Variants in CHD7 observed in about 807,000 individuals in gnomAD.
CHD7 encodes chromodomain helicase DNA binding protein 7.
A neutral mutation model predicts 307.3 loss-of-function variants in CHD7; 24 were observed. That is an observed-to-expected ratio of 0.08 (90% CI 0.06 to 0.11). CHD7 has a LOEUF of 0.11. CHD7 is among the 10% of genes least tolerant of loss of function. The pLI is 1.00. For synonymous variants in CHD7, 1,363 were observed against 1,349.9 expected (o/e 1.01, Z -0.21); for missense variants, 3,106 against 3,727.1 (o/e 0.83, Z 4.34).
chr8:60,826,843 G>A (rs1804274126), intron 13 of CHD7, among the ~76,000 whole-genome samples: 1 of 152,192 alleles, frequency 6.6e-6, no homozygotes, highest in Non-Finnish European at 1.5e-5. Context: ...ACACAAAAGA[G>A]TCTGCTTAAA....
chr8:60,698,205 T>C (rs536605458), intron 1 of CHD7, among the ~76,000 whole-genome samples: 35 of 152,282 alleles, frequency 2.3e-4, no homozygotes, highest in African/African-American at 8.4e-4. Context: ...AAATGAATGG[T>C]TCCTGTTTGT....
At chr8:60,829,751 A>C (rs1355750921) in intron 14 of CHD7, among the ~76,000 whole-genome samples, 1 of 152,194 alleles carries the variant, frequency 6.6e-6, no homozygotes. Context: ...CCACTGACTT[A>C]CTGTCTAAAA....
At chr8:60,787,808 G>A (rs985961066) in intron 3 of CHD7, among the ~76,000 whole-genome samples, 23 of 150,636 alleles carry the variant, frequency 1.5e-4, no homozygotes, top group African/African-American at 4.1e-4. Context: ...CATAAAACTC[G>A]GTAACTTGTA....
At chr8:60,820,608 A>T (rs1803980896) in intron 9 of CHD7, among the ~76,000 whole-genome samples, 1 of 152,218 alleles carries the variant, frequency 6.6e-6, no homozygotes, top group Non-Finnish European at 1.5e-5. Context: ...GGGATATTTG[A>T]TAGGGAAGTA....
chr8:60,774,343 T>C (rs1479058891), intron 2 of CHD7, among the ~76,000 whole-genome samples: 1 of 152,242 alleles, frequency 6.6e-6, no homozygotes, highest in Non-Finnish European at 1.5e-5. Context: ...TTACAGGAAC[T>C]GAAGATGAGG....
chr8:60,848,575 G>A lies in CHD7; in HGVS notation c.5271G>A (p.Ala1757=), dbSNP rs775003129. The part of the protein sequence containing the change: ...YLRQEVIGDQ[A]DKILEGADSS... ...GACAAGAAGTGATAGGAGACCAGGC[G>A]GATAAGATCTTAGAGGGTGCTGACT... The change falls in exon 24 of 38, where the codon GCG becomes GCA. Residue 1757 remains alanine (A), a synonymous_variant. Coordinates refer to ENST00000423902, the MANE Select transcript of CHD7 (RefSeq NM_017780.4). 97 of 1,613,398 alleles carry A rather than the reference G, an allele frequency of 6.0e-5. No individual in the cohort carries two copies. The highest frequency in any genetic ancestry group is 9.3e-5 in the African/African-American group (7 of 74,904).
intron 23 of CHD7, among the ~76,000 whole-genome samples, chr8:60,847,641 G>A (rs1805272367): frequency 6.6e-6 from 1 of 152,200 alleles, no homozygotes; most frequent in Non-Finnish European, 1.5e-5. Flanking sequence ...TCCAGCAGGG[G>A]ATGCTAGCTT....
intron 16 of CHD7, among the ~76,000 whole-genome samples, 154 bp from the exon 17 acceptor site, chr8:60,836,663 G>A (rs898680326): frequency 3.9e-5 from 6 of 152,062 alleles, no homozygotes; most frequent in Admixed American, 6.5e-5. Context: ...TATAAAAAAC[G>A]CCAATAAACC....
rs188198567 is a variant in CHD7, at chr8:60,769,507, T to C, written c.1666-11493T>C. Among the ~76,000 whole-genome samples the C allele has an allele frequency of 5.3e-5, 8 of 152,264 alleles. 1 individual carries two copies. In the East Asian group the frequency reaches 1.5e-3, roughly 29 times the overall value. ...CCCTTATAGTTAGCTAATCAACCAT[T>C]TGAGTTTAAAGTTAGTTAGGTTTTA... On this transcript the variant is annotated intron_variant, in intron 2 of 37. Coordinates refer to ENST00000423902, the MANE Select transcript of CHD7 (RefSeq NM_017780.4).
intron 23 of CHD7, among the ~76,000 whole-genome samples, chr8:60,846,732 T>C (rs1805224678): frequency 6.6e-6 from 1 of 152,258 alleles, no homozygotes; most frequent in Non-Finnish European, 1.5e-5. Flanking sequence ...GTATGGATTA[T>C]CTGTTTGAAT....
At chr8:60,768,932 C>A (rs1275677856) in intron 2 of CHD7, among the ~76,000 whole-genome samples, 2 of 152,002 alleles carry the variant, frequency 1.3e-5, no homozygotes, top group African/African-American at 4.8e-5. Flanking sequence ...TATTCATCAC[C>A]CCAAATTGTA....
At chr8:60,808,410 A>G in intron 7 of CHD7, 138 bp downstream of exon 7, 1 of 629,588 alleles carries the variant, frequency 1.6e-6, no homozygotes, top group Non-Finnish European at 2.8e-6. Context: ...GCCATTTTTT[A>G]ACCAACTTTT....
chr8:60,865,143 T>C lies in CHD7; in HGVS notation c.8204T>C (p.Val2735Ala). 1 of 1,612,092 alleles carries C rather than the reference T, an allele frequency of 6.2e-7. No individual in the cohort carries two copies. The highest frequency in any genetic ancestry group is 1.1e-5 in the South Asian group (1 of 90,612). ...IARAAAAAAA[V>A]ASTSGINPLL... ...AGAGCAGCCGCGGCCGCCGCTGCTGTGGCCTCCACGTCAGGGATCAACCCT... is the reference window on the plus strand; with the variant it reads ...AGAGCAGCCGCGGCCGCCGCTGCTGCGGCCTCCACGTCAGGGATCAACCCT... Residue 2735 changes from valine (V) to alanine (A), a missense_variant, in exon 38 of 38, where the codon GTG (valine) becomes GCG (alanine). By Grantham distance (64) the Val-to-Ala change is moderately conservative (BLOSUM62 0). Transcript: ENST00000423902. The surrounding 1 kb of genome is among the most constrained non-coding windows in gnomAD (Gnocchi z 4.3).
intron 1 of CHD7, among the ~76,000 whole-genome samples, chr8:60,740,120 C>A (rs1346679005): frequency 6.6e-6 from 1 of 152,158 alleles, no homozygotes; most frequent in Admixed American, 6.5e-5. Flanking sequence ...TAATCTGACA[C>A]AGGATCTGTT....
chr8:60,740,019 T>A (rs906312774), intron 1 of CHD7, among the ~76,000 whole-genome samples: 7 of 152,380 alleles, frequency 4.6e-5, no homozygotes, highest in African/African-American at 1.7e-4. Flanking sequence ...TCTATATGAA[T>A]TAGGTCTTTA....
chr8:60,857,905 C>A (rs770692623), intron 34 of CHD7, among the ~76,000 whole-genome samples: 15 of 152,178 alleles, frequency 9.9e-5, no homozygotes, highest in East Asian at 1.9e-4. Context: ...ACTGAAATTT[C>A]TTTGCCCTCT....
In CHD7 at chr8:60,742,111, A is replaced by G. The variant is rs754950510; in HGVS notation, c.679A>G (p.Ile227Val). Residue 227 changes from isoleucine (I) to valine (V), a missense_variant, in exon 2 of 38, where the codon ATT (isoleucine) becomes GTT (valine). Ile to Val is a conservative substitution (Grantham distance 29). Transcript: ENST00000423902. ...GGGCCTCAATCAGGGAAATCCTTTT[A>G]TTGCCACCTCAGGACCTGGCCACTT... Reference protein sequence around the residue: ...QEGLNQGNPFIATSGPGHLSH... With the variant: ...QEGLNQGNPFVATSGPGHLSH... 1 of 1,613,834 alleles carries G rather than the reference A, an allele frequency of 6.2e-7. No homozygotes were observed. Among genetic ancestry groups the G allele is most frequent in the Admixed American group, 1.7e-5 (1 of 60,020 alleles).
chr8:60,703,972 C>T (rs561176823), intron 1 of CHD7, among the ~76,000 whole-genome samples: 35 of 152,224 alleles, frequency 2.3e-4, no homozygotes, highest in African/African-American at 8.4e-4. Flanking sequence ...TCATCCAGTT[C>T]TTTTGTTCCT....
intron 3 of CHD7, among the ~76,000 whole-genome samples, chr8:60,792,835 C>T (rs1811840266): frequency 6.6e-6 from 1 of 152,196 alleles, no homozygotes; most frequent in African/African-American, 2.4e-5. Flanking sequence ...ACTCACTTTA[C>T]CTGGCAGTGG....
Sources: allele counts gnomAD v4.1 joint callset (sites outside exome capture counted in the v4.1 genomes callset), GRCh38; gene constraint gnomAD v4.1.1; non-coding constraint Gnocchi (gnomAD v3.1); transcripts MANE v1.5; gene names NCBI Gene and HGNC (gene_info 2026-07-23, HGNC 2026-07-21).